FARP1: variants seen among roughly 807,000 people sequenced by gnomAD.
FARP1 encodes the protein FERM, ARHGEF and pleckstrin domain-containing protein 1.
Under a neutral mutation model 128.8 loss-of-function variants are expected in FARP1, and 52 were observed. The ratio of observed to expected loss-of-function variants is 0.40; its 90% confidence interval spans 0.32 to 0.51. FARP1 has a LOEUF of 0.51. Among genes scored for constraint, FARP1 ranks in the 20% least tolerant of loss-of-function variants. FARP1 has a pLI of 0.45. For missense variants in FARP1, 1,333 were observed against 1,367.9 expected (o/e 0.97, Z 0.40); for synonymous variants, 580 against 551.8 (o/e 1.05, Z -0.72).
At chr13:98,263,987 C>T (rs1883992369) in intron 2 of FARP1, among the ~76,000 whole-genome samples, 1 of 152,178 alleles carries the variant, frequency 6.6e-6, no homozygotes, top group South Asian at 2.1e-4. Context: ...TTGCACAAAT[C>T]ACCTTCCATT....
intron 2 of FARP1, among the ~76,000 whole-genome samples, chr13:98,319,586 C>T (rs1036093782): frequency 7.9e-5 from 12 of 152,222 alleles, no homozygotes; most frequent in Admixed American, 7.8e-4. Context: ...CGCCACTGCA[C>T]TCCAGCCTGG....
chr13:98,440,292 A>T, intron 23 of FARP1, 57 bp downstream of exon 23: 9 of 1,298,474 alleles, frequency 6.9e-6, no homozygotes, highest in Non-Finnish European at 9.0e-6. Context: ...GAGGGACAGC[A>T]TTTCTGCATC....
intron 2 of FARP1, among the ~76,000 whole-genome samples, chr13:98,229,652 C>T (rs992223839): frequency 6.6e-5 from 10 of 150,514 alleles, no homozygotes; most frequent in Non-Finnish European, 1.0e-4. Context: ...TCTCCACCAG[C>T]GAATTTTTAG....
intron 2 of FARP1, among the ~76,000 whole-genome samples, chr13:98,303,179 A>G (rs1278873225): frequency 2.0e-5 from 3 of 152,236 alleles, no homozygotes; most frequent in African/African-American, 7.2e-5. Context: ...AATGTCCAGA[A>G]AAGTCAAATC....
intron 2 of FARP1, among the ~76,000 whole-genome samples, chr13:98,241,227 C>T (rs9517225): frequency 0.016 from 2,507 of 152,102 alleles, 23 homozygotes; most frequent in Non-Finnish European, 0.025. Context: ...GTGGGTGTGG[C>T]GGGCAGAGTT....
rs1173437164 is a variant in FARP1 at position 98,449,736 on chromosome 13, C to T, written c.*1419C>T. ...AAGGGAATAAAAATACCTCACGCCA[C>T]AATCCAGCATATTGATGTTTTAAGG... is the stretch of plus-strand genomic sequence containing the variant. On this transcript the variant is annotated 3_prime_UTR_variant, in exon 27 of 27. Coordinates refer to ENST00000319562, the MANE Select transcript of FARP1 (RefSeq NM_005766.4). 2.6e-5 allele frequency: 4 copies of T among 151,134 alleles called. No homozygotes were observed. Among genetic ancestry groups the T allele is most frequent in the African/African-American group, 9.8e-5 (4 of 40,924 alleles). The allele number at this position is 151,134 out of a possible 1,614,324, so 9.4% of individuals were successfully genotyped here.
At chr13:98,446,605 G>A (rs1386595622) in intron 25 of FARP1, 61 bp from the exon 26 acceptor site, 2 of 1,567,916 alleles carry the variant, frequency 1.3e-6, no homozygotes, top group African/African-American at 1.3e-5. Flanking sequence ...CGGGGCAGCA[G>A]CCAGGCCCAG....
chr13:98,447,281 C>G (rs770773410), intron 26 of FARP1: 1 of 154,768 alleles, frequency 6.5e-6, no homozygotes, highest in Admixed American at 6.4e-5. Flanking sequence ...CTGCTGAGCC[C>G]TCCTCGCCCC....
chr13:98,252,076 G>C (rs116249361), intron 2 of FARP1, among the ~76,000 whole-genome samples: 1 of 152,140 alleles, frequency 6.6e-6, no homozygotes, highest in African/African-American at 2.4e-5. Flanking sequence ...TCAAACTCCT[G>C]ACTTCAAGTG....
chr13:98,190,099 T>C (rs79890645), intron 1 of FARP1, among the ~76,000 whole-genome samples: 5,672 of 152,280 alleles, frequency 0.037, 126 homozygotes, highest in Middle Eastern at 0.048. Flanking sequence ...CTGTAATGGC[T>C]TTATATTAAC....
At chr13:98,218,459 C>T (rs1483321723) in intron 2 of FARP1, among the ~76,000 whole-genome samples, 1 of 152,108 alleles carries the variant, frequency 6.6e-6, no homozygotes, top group Non-Finnish European at 1.5e-5. Context: ...AGTGAGGACC[C>T]TGTGTTGACA....
chr13:98,448,819 CTTTCTACT>C lies in FARP1; in HGVS notation c.*506_*513del, dbSNP rs1893034815. ...TTCAGATTTCATTTTTTTTTTCAGT[CTTTCTACT>C]TTTGTAATAATAGGAAGTTAGTAGG... On this transcript the variant is annotated 3_prime_UTR_variant, in exon 27 of 27. Coordinates refer to ENST00000319562, the MANE Select transcript of FARP1 (RefSeq NM_005766.4). The C allele has an allele frequency of 6.8e-6, 1 of 147,948 alleles. No individual in the cohort carries two copies. The highest frequency in any genetic ancestry group is 1.5e-5 in the Non-Finnish European group (1 of 66,578). The allele number at this position is 147,948 out of a possible 1,614,324, so 9.2% of individuals were successfully genotyped here.
chr13:98,303,875 A>G (rs1307107914), intron 2 of FARP1, among the ~76,000 whole-genome samples: 1 of 152,212 alleles, frequency 6.6e-6, no homozygotes, highest in Non-Finnish European at 1.5e-5. Flanking sequence ...ACTGCACTGT[A>G]TTTGACTAGC....
intron 9 of FARP1, chr13:98,389,476 C>T (rs140433930): frequency 4.6e-5 from 7 of 152,700 alleles, no homozygotes; most frequent in African/African-American, 1.7e-4. Flanking sequence ...AATTCATTTC[C>T]TGTGTAGTTC....
chr13:98,176,964 G>C lies in FARP1; in HGVS notation c.-24+33472G>C. On this transcript the variant is annotated intron_variant, in intron 1 of 26. Coordinates refer to ENST00000319562, the MANE Select transcript of FARP1 (RefSeq NM_005766.4). This position sits in a 1 kb window ranked among gnomAD's most constrained non-coding sequence, Gnocchi z 6.2. ...CCGAGCGGGTGGACCTGTACACCAC[G>C]TCGAGGCTCTCAGGCGCCGCCTCCT... The C allele has an allele frequency of 6.2e-7, 1 of 1,601,062 alleles. No individual in the cohort carries two copies. The highest frequency in any genetic ancestry group is 8.5e-7 in the Non-Finnish European group (1 of 1,179,842).
chr13:98,159,859 G>A (rs556762972), intron 1 of FARP1, among the ~76,000 whole-genome samples: 7 of 152,198 alleles, frequency 4.6e-5, no homozygotes, highest in Admixed American at 1.3e-4. Context: ...CCCAAGGTGA[G>A]TGCCTCACTG....
At chr13:98,344,570 G>C (rs749467946) in intron 3 of FARP1, among the ~76,000 whole-genome samples, 2 of 152,178 alleles carry the variant, frequency 1.3e-5, no homozygotes, top group Non-Finnish European at 2.9e-5. Flanking sequence ...GCACGGGAAA[G>C]AGATCTGGGT....
rs140196183 is a variant in FARP1, at chr13:98,205,445, T to G, written c.-23-7775T>G. Reference sequence around the variant, plus strand: ...TCTCACTCTGTCACCCAGGCTGGAGTACAGTGGCGTGATCTCGGCTCACTG... The same window carrying G: ...TCTCACTCTGTCACCCAGGCTGGAGGACAGTGGCGTGATCTCGGCTCACTG... On this transcript the variant is annotated intron_variant, in intron 1 of 26. Transcript: ENST00000319562. 2.9e-3 allele frequency among the ~76,000 whole-genome samples: 435 copies of G among 152,164 alleles called. 2 individuals are homozygous for G. The highest frequency in any genetic ancestry group is 9.8e-3 in the African/African-American group (406 of 41,506).
At chr13:98,308,791 C>G (rs910077147) in intron 2 of FARP1, among the ~76,000 whole-genome samples, 5 of 152,000 alleles carry the variant, frequency 3.3e-5, no homozygotes, top group Non-Finnish European at 5.9e-5. Context: ...GCTGCAGCCT[C>G]CCGAGTAGCT....
Sources: allele counts gnomAD v4.1 joint callset (sites outside exome capture counted in the v4.1 genomes callset), GRCh38; gene constraint gnomAD v4.1.1; non-coding constraint Gnocchi (gnomAD v3.1); transcripts MANE v1.5; gene names NCBI Gene and HGNC (gene_info 2026-07-23, HGNC 2026-07-21).